The following SH3BP2 variants were observed in gnomAD, a reference collection of about 807,000 sequenced individuals.
The protein encoded by SH3BP2 is SH3 domain-binding protein 2.
A neutral mutation model predicts 56.2 loss-of-function variants in SH3BP2; 38 were observed. The ratio of observed to expected loss-of-function variants is 0.68; its 90% CI spans 0.52 to 0.89. The LOEUF (loss-of-function observed/expected upper bound fraction) is 0.89. Among genes scored for constraint, SH3BP2 ranks in the 40% least tolerant of loss-of-function variants. The probability of loss-of-function intolerance (pLI) is 0.00; values close to 1 mark genes in which losing one functional copy is unlikely to be tolerated. For synonymous variants in SH3BP2, 346 were observed against 316.7 expected, an observed-to-expected ratio of 1.09 and a Z score of -0.98; for missense variants, 748 against 762.6, an observed-to-expected ratio of 0.98 and a Z score of 0.23.
Position 2,809,537 on chromosome 4 carries a change from G to T in SH3BP2, c.-4-11077G>T, listed in dbSNP as rs563151867. 2.0e-5 allele frequency among the ~76,000 whole-genome samples: 3 copies of T among 152,312 alleles called. No homozygotes were observed. The East Asian group carries it at 5.8e-4, about 29-fold the overall frequency. ...CTGGGTACAGGGTCCCTGGGTGCCA[G>T]TCCCCATGCCACTGATCCCTAGCTT... On this transcript the variant is annotated intron_variant, in intron 1 of 12. Transcript: ENST00000503393.
rs753270805 is a variant in SH3BP2, at chr4:2,832,362, C to G, written c.1438C>G (p.Pro480Ala). Residue 480 changes from proline to alanine, a missense_variant, in exon 11 of 13, where the codon CCC becomes GCC. Transcript: ENST00000503393. ...CAAGGCTACAAGCCCCCGGGGAGAG[C>G]CCCAGGATGGACTCTACTGCATCCG... ...LFKATSPRGEPQDGLYCIRNS... is the reference protein window; with the variant it reads ...LFKATSPRGEAQDGLYCIRNS... 9.9e-6 allele frequency: 16 copies of G among 1,613,920 alleles called. No homozygotes were observed. Among genetic ancestry groups the G allele is most frequent in the South Asian group, 8.8e-5 (8 of 91,092 alleles).
In SH3BP2 at chr4:2,826,530, G is replaced by A. The variant is rs569678197; in HGVS notation, c.429-700G>A. On this transcript the variant is annotated intron_variant, in intron 5 of 12. Transcript: ENST00000503393. ...TTGCTCTGTGTGTGTGTGCATGTCC[G>A]CGTGTTGCTCTGTGTGTGTGTGTGT... The A allele has an allele frequency of 2.2e-3, 551 of 248,112 alleles. 7 individuals are homozygous for A. Among genetic ancestry groups the A allele is most frequent in the Admixed American group, 6.4e-3 (115 of 17,996 alleles). 15.4% of individuals were successfully genotyped at this position (248,112 alleles called of 1,614,324 possible).
At chr4:2,800,551 C>CA (rs201339036) in intron 1 of SH3BP2, among the ~76,000 whole-genome samples, 2 of 75,828 alleles carry the variant, frequency 2.6e-5, no homozygotes, top group African/African-American at 1.0e-4. Flanking sequence ...CTGTGACCGC[C>CA]CCCCCCCCGG....
intron 1 of SH3BP2, among the ~76,000 whole-genome samples, chr4:2,814,498 GCACACACA>G (rs34086288): frequency 1.3e-5 from 2 of 151,360 alleles, no homozygotes; most frequent in African/African-American, 4.9e-5. Flanking sequence ...ATGTGCATGT[GCACACACA>G]CACACACACG....
Position 2,824,624 on chromosome 4 carries a change from C to T in SH3BP2, c.251C>T (p.Ala84Val), listed in dbSNP as rs755389575. ...CGCTGTGCCCCCAGGGTGATGCGGG[C>T]GGCTGAGGAGACCACGTCCAACAAC... The part of the protein sequence containing the change: ...SLSGYNRVMR[A>V]AEETTSNNVF... The change falls in exon 4 of 13, where the codon GCG (alanine) becomes GTG (valine). Residue 84 changes from alanine (A) to valine (V), a missense_variant. Ala to Val is a moderately conservative substitution (Grantham distance 64). Coordinates refer to ENST00000503393, the MANE Select transcript of SH3BP2 (RefSeq NM_001122681.2). 5.0e-6 allele frequency: 8 copies of T among 1,613,174 alleles called. No homozygotes were observed. The African/African-American group carries it at 5.3e-5, about 11-fold the overall frequency.
In SH3BP2 at chr4:2,825,213, G is replaced by C. The variant is rs1038687710; in HGVS notation, c.428+17G>C. 1 of 1,562,566 alleles carries C rather than the reference G, an allele frequency of 6.4e-7. No individual in the cohort carries two copies. Among genetic ancestry groups the C allele is most frequent in the Non-Finnish European group, 8.7e-7 (1 of 1,152,340 alleles). ...GGACACCAGGTGAGCCCGGGCCCAG[G>C]GCATACCGGGCAGTGAGGGTCCCTG... On this transcript the variant is annotated intron_variant, in intron 5 of 12. Coordinates refer to ENST00000503393, the MANE Select transcript of SH3BP2 (RefSeq NM_001122681.2).
At position 2,796,086 on chromosome 4, in the gene SH3BP2, C is replaced by T. The variant is rs558103423; in HGVS notation, c.-5+2948C>T. On this transcript the variant is annotated intron_variant, in intron 1 of 12. Transcript: ENST00000503393. The stretch of plus-strand genomic sequence containing the variant: ...GTGCCAAGAGCAAGGGACTGGCCCT[C>T]AGCCACGGGCCAGGAGACCTGAGCC... Among the ~76,000 whole-genome samples, 10 of 152,278 alleles carry T rather than the reference C, an allele frequency of 6.6e-5. No homozygotes were observed. The East Asian group carries it at 1.5e-3, about 24-fold the overall frequency.
chr4:2,808,177 G>A (rs1373347807), intron 1 of SH3BP2, among the ~76,000 whole-genome samples: 1 of 152,220 alleles, frequency 6.6e-6, no homozygotes, highest in Admixed American at 6.5e-5. Context: ...TGCCCCGGTG[G>A]CTCTGGGGAA....
Position 2,833,059 on chromosome 4 carries a change from C to T in SH3BP2, c.1548+10C>T. The stretch of plus-strand genomic sequence containing the variant: ...TCGCATTTTTGAGAAGGTGAGAGGG[C>T]TCTGAGTGGGACGGGGACCCTGGCC... On this transcript the variant is annotated intron_variant, in intron 12 of 12. Coordinates refer to ENST00000503393, the MANE Select transcript of SH3BP2 (RefSeq NM_001122681.2). The T allele has an allele frequency of 6.2e-7, 1 of 1,613,628 alleles. No homozygotes were observed. Among genetic ancestry groups the T allele is most frequent in the Non-Finnish European group, 8.5e-7 (1 of 1,179,528 alleles).
At chr4:2,803,248 G>A (rs142892581) in intron 1 of SH3BP2, among the ~76,000 whole-genome samples, 295 of 152,304 alleles carry the variant, frequency 1.9e-3, no homozygotes, top group African/African-American at 5.9e-3. Context: ...GTTGGCTCTG[G>A]GTGGGAGCAG....
intron 3 of SH3BP2, among the ~76,000 whole-genome samples, chr4:2,823,768 C>T (rs1724440887): frequency 6.6e-6 from 1 of 152,250 alleles, no homozygotes; most frequent in Non-Finnish European, 1.5e-5. Context: ...CTATGAGGAA[C>T]CAAGGGTCAC....
Position 2,831,832 on chromosome 4 carries a change from C to T in SH3BP2, c.1351-91C>T, listed in dbSNP as rs553051958. 1.5e-4 allele frequency: 226 copies of T among 1,472,752 alleles called. No homozygotes were observed. The highest frequency in any genetic ancestry group is 2.7e-4 in the Admixed American group (15 of 55,466). 91.2% of individuals were successfully genotyped at this position (1,472,752 alleles called of 1,614,324 possible). On this transcript the variant is annotated intron_variant, in intron 9 of 12. Transcript: ENST00000503393. The surrounding 1 kb of genome is among the most constrained non-coding windows in gnomAD (Gnocchi z 4.1). Reference sequence around the variant, plus strand: ...GGGGACACAGCACCATGTAAAGCCCCGGATCCCGGCACCGGGTGGCCACCG... The same window carrying T: ...GGGGACACAGCACCATGTAAAGCCCTGGATCCCGGCACCGGGTGGCCACCG...
intron 8 of SH3BP2, among the ~76,000 whole-genome samples, 198 bp downstream of exon 8, chr4:2,830,345 A>C (rs1051550453): frequency 1.3e-5 from 2 of 151,972 alleles, no homozygotes; most frequent in Non-Finnish European, 2.9e-5. Context: ...TCAGCCCTGA[A>C]GCTTGCTGGA....
intron 2 of SH3BP2, among the ~76,000 whole-genome samples, chr4:2,821,360 G>A (rs187810715): frequency 6.6e-6 from 1 of 152,230 alleles, no homozygotes; most frequent in Admixed American, 6.5e-5. Context: ...GGACTGATTG[G>A]TTCCTGTACG....
chr4:2,802,404 A>ATGTGTGTGTGTGTGTGTGTATGTG (rs1723321221), intron 1 of SH3BP2, among the ~76,000 whole-genome samples: 1 of 135,900 alleles, frequency 7.4e-6, no homozygotes, highest in Non-Finnish European at 1.6e-5. Flanking sequence ...AAAAAAATAT[A>ATGTGTGTGTGTGTGTGTGTATGTG]TGTGTGTGTG....
intron 1 of SH3BP2, among the ~76,000 whole-genome samples, chr4:2,817,220 G>A (rs932262986): frequency 6.6e-6 from 1 of 152,230 alleles, no homozygotes; most frequent in African/African-American, 2.4e-5. Flanking sequence ...GAGCAGTGAT[G>A]GGAATGGTGT....
At chr4:2,812,723 C>T (rs983109274) in intron 1 of SH3BP2, among the ~76,000 whole-genome samples, 21 of 134,274 alleles carry the variant, frequency 1.6e-4, no homozygotes, top group Non-Finnish European at 2.1e-4. Context: ...ATACTTAGAA[C>T]CCCCCCCACC....
intron 2 of SH3BP2, among the ~76,000 whole-genome samples, chr4:2,821,963 G>T (rs1487149402): frequency 6.6e-6 from 1 of 152,156 alleles, no homozygotes; most frequent in African/African-American, 2.4e-5. Flanking sequence ...CACCTCCTGG[G>T]TTCCAGCAAT....
rs376641544 is a variant in SH3BP2, at chr4:2,829,767, C to A, written c.861C>A (p.Thr287=). The A allele has an allele frequency of 3.7e-6, 6 of 1,613,054 alleles. No individual in the cohort carries two copies. The Admixed American group carries it at 1.0e-4, about 27-fold the overall frequency. Residue 287 remains threonine, a synonymous_variant, in exon 8 of 13, where the codon ACC becomes ACA. Coordinates refer to ENST00000503393, the MANE Select transcript of SH3BP2 (RefSeq NM_001122681.2). The surrounding 1 kb of genome is among the most constrained non-coding windows in gnomAD (Gnocchi z 4.9). ...MSDPPLSTMP[T]APGLRKPPCF... Reference sequence around the variant, plus strand: ...ATCCCCCTCTGAGCACCATGCCCACCGCACCCGGCCTCCGGAAACCCCCTT... The same window carrying A: ...ATCCCCCTCTGAGCACCATGCCCACAGCACCCGGCCTCCGGAAACCCCCTT...
Sources: gnomAD v4.1 joint callset for allele counts (sites outside exome capture counted in the v4.1 genomes callset) on GRCh38, gnomAD v4.1.1 for gene constraint, Gnocchi (gnomAD v3.1) non-coding constraint, MANE v1.5 for transcripts, NCBI Gene and HGNC (gene_info 2026-07-23, HGNC 2026-07-21) for gene names.